Variants in PLCE1 observed in about 807,000 individuals in gnomAD.
PLCE1 encodes phospholipase C epsilon 1.
Under a neutral mutation model 242.8 loss-of-function variants are expected in PLCE1, and 119 were observed. The ratio of observed to expected loss-of-function variants is 0.49; its 90% CI spans 0.42 to 0.57. The LOEUF is 0.57. Among genes scored for constraint, PLCE1 ranks in the 20% least tolerant of loss-of-function variants. The probability of loss-of-function intolerance (pLI) is 0.00; values close to 1 mark genes in which losing one functional copy is unlikely to be tolerated. For synonymous variants in PLCE1, 945 were observed against 1,017.4 expected, an observed-to-expected ratio of 0.93 and a Z score of 1.35; for missense variants, 2,441 against 2,788.8, an observed-to-expected ratio of 0.88 and a Z score of 2.81.
intron 2 of PLCE1, among the ~76,000 whole-genome samples, chr10:94,085,068 A>G (rs2044765021): frequency 6.6e-6 from 1 of 152,212 alleles, no homozygotes; most frequent in Admixed American, 6.5e-5. Context: ...AACAATAACA[A>G]ATAAAATGTA....
At chr10:94,010,414 A>ATAT (rs2061146915) in intron 1 of PLCE1, among the ~76,000 whole-genome samples, 1 of 152,208 alleles carries the variant, frequency 6.6e-6, no homozygotes, top group South Asian at 2.1e-4. Context: ...GTTGTCTAGG[A>ATAT]TATTAGTACT....
chr10:94,062,509 C>T (rs2134980905), intron 2 of PLCE1, among the ~76,000 whole-genome samples: 1 of 151,568 alleles, frequency 6.6e-6, no homozygotes, highest in Non-Finnish European at 1.5e-5. Flanking sequence ...ATTTGCAGAG[C>T]ACTTCATAAT....
At chr10:94,161,992 C>T (rs2136223329) in intron 3 of PLCE1, among the ~76,000 whole-genome samples, 1 of 152,260 alleles carries the variant, frequency 6.6e-6, no homozygotes, top group Non-Finnish European at 1.5e-5. Flanking sequence ...AGCCTTGCAT[C>T]CCAGGGATGA....
chr10:94,310,226 G>A (rs1382610716), intron 27 of PLCE1, among the ~76,000 whole-genome samples: 4 of 152,208 alleles, frequency 2.6e-5, no homozygotes, highest in South Asian at 2.1e-4. Flanking sequence ...CAATGGCACT[G>A]GCCATGATGG....
At chr10:94,015,813 C>G (rs1476685189) in intron 1 of PLCE1, among the ~76,000 whole-genome samples, 2 of 152,198 alleles carry the variant, frequency 1.3e-5, no homozygotes, top group African/African-American at 4.8e-5. Context: ...AGACCAGCCT[C>G]AAACCCAGCT....
chr10:94,060,514 C>T (rs189473741), intron 2 of PLCE1, among the ~76,000 whole-genome samples: 4 of 152,194 alleles, frequency 2.6e-5, no homozygotes, highest in Non-Finnish European at 5.9e-5. Context: ...CAAGACTTTA[C>T]TTCCCTGTGC....
chr10:94,319,169 AG>A (rs1307597610), intron 29 of PLCE1, among the ~76,000 whole-genome samples: 26 of 152,348 alleles, frequency 1.7e-4, no homozygotes, highest in African/African-American at 6.0e-4. Context: ...AAGGCTAACA[AG>A]ATTTTTCTGA....
At chr10:93,997,030 AGTT>A (rs1248182531) in intron 1 of PLCE1, among the ~76,000 whole-genome samples, 1 of 152,218 alleles carries the variant, frequency 6.6e-6, no homozygotes, top group Non-Finnish European at 1.5e-5. Flanking sequence ...AAATAATAGA[AGTT>A]GTTGTTGGTA....
intron 2 of PLCE1, among the ~76,000 whole-genome samples, chr10:94,121,476 G>T (rs532469551): frequency 6.6e-6 from 1 of 152,308 alleles, no homozygotes; most frequent in South Asian, 2.1e-4. Flanking sequence ...AGGTCCTCAG[G>T]CCAGCAGGCA....
chr10:94,049,880 G>A (rs2043715176), intron 2 of PLCE1, among the ~76,000 whole-genome samples: 1 of 152,126 alleles, frequency 6.6e-6, no homozygotes, highest in Non-Finnish European at 1.5e-5. Flanking sequence ...GTACTATTTT[G>A]TATGTCTCCT....
intron 29 of PLCE1, among the ~76,000 whole-genome samples, chr10:94,320,135 ACT>A (rs1554917021): frequency 1.3e-5 from 2 of 151,756 alleles, no homozygotes; most frequent in African/African-American, 2.4e-5. Context: ...TCTCAATCTT[ACT>A]CTCTGACTGG....
chr10:94,316,130 C>T (rs2053565422), intron 28 of PLCE1, among the ~76,000 whole-genome samples: 1 of 152,112 alleles, frequency 6.6e-6, no homozygotes, highest in Non-Finnish European at 1.5e-5. Context: ...GAACCTAGCC[C>T]TACAAACCTT....
chr10:94,315,932 A>G (rs1171043153), intron 28 of PLCE1, among the ~76,000 whole-genome samples: 1 of 152,022 alleles, frequency 6.6e-6, no homozygotes, highest in Admixed American at 6.6e-5. Context: ...TAAGTATCTT[A>G]CCCAATAATT....
chr10:94,268,862 C>T (rs1003362046), intron 16 of PLCE1, 67 bp from the exon 17 acceptor site: 3 of 862,042 alleles, frequency 3.5e-6, no homozygotes, highest in African/African-American at 1.7e-5. Context: ...GAACTACATG[C>T]TGGGTTTAGT....
At chr10:94,152,133 A>G (rs537047975) in intron 3 of PLCE1, among the ~76,000 whole-genome samples, 1 of 152,318 alleles carries the variant, frequency 6.6e-6, no homozygotes, top group East Asian at 1.9e-4. Context: ...CCTCAAACCA[A>G]ATGCAACAGA....
intron 2 of PLCE1, among the ~76,000 whole-genome samples, chr10:94,041,209 T>C (rs1365185604): frequency 1.3e-5 from 2 of 152,104 alleles, no homozygotes; most frequent in Admixed American, 6.5e-5. Context: ...GCTCAATATG[T>C]ATTTCTCGAA....
At chr10:94,001,482 T>A (rs1310069551) in intron 1 of PLCE1, among the ~76,000 whole-genome samples, 1 of 152,216 alleles carries the variant, frequency 6.6e-6, no homozygotes, top group Non-Finnish European at 1.5e-5. Flanking sequence ...GGCTGCTATA[T>A]GTAGAATTAA....
intron 2 of PLCE1, among the ~76,000 whole-genome samples, chr10:94,076,718 T>G (rs1055902663): frequency 6.6e-6 from 1 of 151,618 alleles, no homozygotes; most frequent in Non-Finnish European, 1.5e-5. Flanking sequence ...AGATAATGAT[T>G]TCAGCCTCCT....
intron 9 of PLCE1, among the ~76,000 whole-genome samples, chr10:94,253,737 A>C (rs2050963946): frequency 6.6e-6 from 1 of 152,166 alleles, no homozygotes; most frequent in Admixed American, 6.5e-5. Flanking sequence ...TCAGCCATTC[A>C]TGAGGGATCC....
Sources: gnomAD v4.1 joint callset for allele counts (sites outside exome capture counted in the v4.1 genomes callset) on GRCh38, gnomAD v4.1.1 for gene constraint, MANE v1.5 for transcripts, NCBI Gene and HGNC (gene_info 2026-07-23, HGNC 2026-07-21) for gene names.